TMEM131: variants seen among roughly 807,000 people sequenced by gnomAD.
The protein encoded by TMEM131 is transmembrane protein 131.
TMEM131 carries 66 observed loss-of-function variants against 211.6 expected under a neutral mutation model. The observed-to-expected ratio is 0.31, with a 90% CI of 0.26 to 0.38. TMEM131 has a LOEUF of 0.38. Ranked by LOEUF, TMEM131 falls within the 10% of genes least tolerant of loss-of-function variation. The probability of loss-of-function intolerance (pLI) is 1.00; values close to 1 mark genes in which losing one functional copy is unlikely to be tolerated. For synonymous variants in TMEM131, 844 were observed against 841.3 expected (o/e 1.00, Z -0.06); for missense variants, 2,036 against 2,299.3 (o/e 0.89, Z 2.34).
chr2:97,893,612 T>A (rs985597224), intron 3 of TMEM131, among the ~76,000 whole-genome samples: 3 of 152,248 alleles, frequency 2.0e-5, no homozygotes, highest in Non-Finnish European at 4.4e-5. Context: ...TATCTCACTG[T>A]AGTTTTGATT....
chr2:97,865,809 T>C (rs1674246105), intron 4 of TMEM131, among the ~76,000 whole-genome samples: 1 of 152,252 alleles, frequency 6.6e-6, no homozygotes, highest in African/African-American at 2.4e-5. Flanking sequence ...ATAATTGGTA[T>C]TAATTCTTCT....
chr2:97,790,102 A>G (rs1274563807), intron 31 of TMEM131, among the ~76,000 whole-genome samples: 1 of 152,246 alleles, frequency 6.6e-6, no homozygotes, highest in Admixed American at 6.5e-5. Context: ...GTTGCCTCTA[A>G]AAAGAGAATG....
rs1244878750 is a variant in TMEM131 at position 97,943,012 on chromosome 2, A to G, written c.188-15525T>C. 4.3e-5 allele frequency among the ~76,000 whole-genome samples: 3 copies of G among 70,164 alleles called. 1 individual carries two copies. Among genetic ancestry groups the G allele is most frequent in the African/African-American group, 2.4e-4 (3 of 12,486 alleles). The allele number at this position is 70,164 out of a possible 152,430, so 46.0% of individuals were successfully genotyped here. A position where few individuals can be genotyped will look rare whatever the true frequency, so the allele number is the denominator to read the frequency against. On this transcript the variant is annotated intron_variant, in intron 1 of 40. Transcript: ENST00000186436. ...AAGAAAGAAAAGAAAGAAAAGAAAG[A>G]AAAGAAAAGAAAAGAAAAGAAAAGA... is the stretch of plus-strand genomic sequence containing the variant.
At position 97,818,575 on chromosome 2, in the gene TMEM131, A is replaced by C. The variant is rs542492794; in HGVS notation, c.1183+38T>G. 9.7e-6 allele frequency: 13 copies of C among 1,340,484 alleles called. No homozygotes were observed. The South Asian group carries it at 1.4e-4, about 14-fold the overall frequency. 83.0% of individuals were successfully genotyped at this position (1,340,484 alleles called of 1,614,324 possible). On this transcript the variant is annotated intron_variant, in intron 12 of 40. Transcript: ENST00000186436. ...CAGATGCTTTCTAGTTTATCAAAAT[A>C]ACATCACTCTATCAGAGAGAAAATG...
intron 2 of TMEM131, among the ~76,000 whole-genome samples, chr2:97,920,618 A>G (rs1676700548): frequency 6.6e-6 from 1 of 152,194 alleles, no homozygotes; most frequent in South Asian, 2.1e-4. Flanking sequence ...AATATATTAA[A>G]AGCAACCACA....
chr2:97,816,147 C>T (rs1377983647), intron 12 of TMEM131, among the ~76,000 whole-genome samples: 1 of 152,074 alleles, frequency 6.6e-6, no homozygotes, highest in East Asian at 1.9e-4. Context: ...TCGAGACAAA[C>T]CTGGCCAACA....
chr2:97,959,697 T>C (rs1341803963), intron 1 of TMEM131, among the ~76,000 whole-genome samples: 1 of 152,192 alleles, frequency 6.6e-6, no homozygotes, highest in Non-Finnish European at 1.5e-5. Flanking sequence ...ACAATTTTAT[T>C]ACCACAGCCA....
intron 2 of TMEM131, 101 bp from the exon 3 acceptor site, chr2:97,908,799 T>A: frequency 6.2e-6 from 6 of 970,922 alleles, no homozygotes; most frequent in Non-Finnish European, 6.1e-6. Context: ...TCAACATTCA[T>A]TTTATACCCA....
intron 11 of TMEM131, among the ~76,000 whole-genome samples, chr2:97,830,852 G>A (rs1682647347): frequency 6.6e-6 from 1 of 152,130 alleles, no homozygotes; most frequent in African/African-American, 2.4e-5. Context: ...TTTAGAAAGA[G>A]AATGAATTCC....
intron 4 of TMEM131, among the ~76,000 whole-genome samples, chr2:97,863,512 A>C (rs948062758): frequency 1.3e-5 from 2 of 152,254 alleles, no homozygotes; most frequent in African/African-American, 4.8e-5. Context: ...CAAGGGATTA[A>C]TAATAACTAG....
chr2:97,988,992 G>A (rs1195060268), intron 1 of TMEM131, among the ~76,000 whole-genome samples: 1 of 152,166 alleles, frequency 6.6e-6, no homozygotes, highest in East Asian at 1.9e-4. Flanking sequence ...GAGCCAAGAG[G>A]TAGGAGCAAG....
intron 35 of TMEM131, chr2:97,763,830 A>G (rs1679005888): frequency 6.6e-6 from 1 of 152,382 alleles, no homozygotes; most frequent in African/African-American, 2.4e-5. Context: ...GATGCTCCCA[A>G]GACAGTGATG....
chr2:97,800,834 C>T (rs1680999921), intron 25 of TMEM131, among the ~76,000 whole-genome samples: 1 of 151,926 alleles, frequency 6.6e-6, no homozygotes, highest in African/African-American at 2.4e-5. Context: ...CTTCCAATAA[C>T]ATTTGTTACT....
intron 25 of TMEM131, among the ~76,000 whole-genome samples, chr2:97,799,742 A>G (rs1680935741): frequency 6.6e-6 from 1 of 152,236 alleles, no homozygotes; most frequent in Admixed American, 6.5e-5. Flanking sequence ...TCCGTGAACC[A>G]GTATTTTCCA....
intron 11 of TMEM131, chr2:97,827,442 G>A: frequency 3.8e-6 from 4 of 1,039,734 alleles, no homozygotes; most frequent in Non-Finnish European, 6.1e-6. Flanking sequence ...AGGCCGAAGT[G>A]GCTAACCAAG....
intron 2 of TMEM131, among the ~76,000 whole-genome samples, chr2:97,923,261 A>G (rs1460517615): frequency 6.6e-6 from 1 of 152,212 alleles, no homozygotes; most frequent in Admixed American, 6.5e-5. Context: ...CCTGGGTGAC[A>G]GAGCGAGACT....
chr2:97,992,463 T>G (rs771726175), intron 1 of TMEM131, among the ~76,000 whole-genome samples: 2 of 152,214 alleles, frequency 1.3e-5, no homozygotes, highest in Non-Finnish European at 1.5e-5. Flanking sequence ...GCCATTTAAT[T>G]GCCAATTAAT....
chr2:97,798,436 G>A (rs922502103), intron 25 of TMEM131, among the ~76,000 whole-genome samples: 1 of 152,244 alleles, frequency 6.6e-6, no homozygotes, highest in Non-Finnish European at 1.5e-5. Context: ...ATCGGTGTGT[G>A]TTTCACACAT....
chr2:97,793,172 A>C, intron 30 of TMEM131, 188 bp from the exon 31 acceptor site: 2 of 639,360 alleles, frequency 3.1e-6, no homozygotes, highest in South Asian at 4.4e-5. Flanking sequence ...ATTTACCATC[A>C]GTGATCTAAC....
Sources: gnomAD v4.1 joint callset for allele counts (sites outside exome capture counted in the v4.1 genomes callset) on GRCh38, gnomAD v4.1.1 for gene constraint, MANE v1.5 for transcripts, NCBI Gene and HGNC (gene_info 2026-07-23, HGNC 2026-07-21) for gene names.